CCDC186: variants seen among roughly 807,000 people sequenced by gnomAD.
CCDC186 encodes the protein coiled-coil domain containing 186.
CCDC186 carries 49 observed loss-of-function variants against 113.7 expected under a neutral mutation model. The observed-to-expected ratio is 0.43, with a 90% confidence interval of 0.34 to 0.55. The LOEUF is 0.55. Among genes scored for constraint, CCDC186 ranks in the 20% least tolerant of loss-of-function variants. The pLI, the probability that CCDC186 is intolerant of heterozygous loss-of-function variation, is 0.02. For missense variants in CCDC186, 890 were observed against 1,011.1 expected, an observed-to-expected ratio of 0.88 and a Z score of 1.62; for synonymous variants, 355 against 345.8, an observed-to-expected ratio of 1.03 and a Z score of -0.30.
intron 9 of CCDC186, 137 bp downstream of exon 9, chr10:114,135,754 C>T: frequency 3.0e-6 from 2 of 665,006 alleles, no homozygotes; most frequent in Non-Finnish European, 5.0e-6. Flanking sequence ...GGAAATTGCT[C>T]CTCTACTCTA....
intron 2 of CCDC186, among the ~76,000 whole-genome samples, chr10:114,159,372 T>C (rs1389651452): frequency 6.6e-6 from 1 of 152,156 alleles, no homozygotes; most frequent in Non-Finnish European, 1.5e-5. Context: ...AGACAACTGT[T>C]CTTAATTAAG....
chr10:114,125,692 T>C (rs960777099), intron 15 of CCDC186, among the ~76,000 whole-genome samples, 194 bp downstream of exon 15: 16 of 152,198 alleles, frequency 1.1e-4, no homozygotes, highest in Non-Finnish European at 2.4e-4. Context: ...ACAAAATTAA[T>C]TTTTGCTATT....
At chr10:114,142,395 G>A (rs547403215) in intron 6 of CCDC186, among the ~76,000 whole-genome samples, 1 of 152,306 alleles carries the variant, frequency 6.6e-6, no homozygotes, top group Admixed American at 6.5e-5. Flanking sequence ...GGCAGCCAAA[G>A]AACCACAGCC....
intron 1 of CCDC186, among the ~76,000 whole-genome samples, chr10:114,171,939 A>G (rs1349511865): frequency 6.6e-6 from 1 of 152,180 alleles, no homozygotes; most frequent in Non-Finnish European, 1.5e-5. Context: ...CATTTTTTAA[A>G]TCTCAGTAGC....
chr10:114,168,547 G>C (rs1209948906), intron 1 of CCDC186, among the ~76,000 whole-genome samples: 1 of 152,158 alleles, frequency 6.6e-6, no homozygotes, highest in African/African-American at 2.4e-5. Context: ...TGATGGACCA[G>C]CTGATGCCTG....
intron 1 of CCDC186, among the ~76,000 whole-genome samples, chr10:114,165,472 T>C (rs964000708): frequency 6.6e-6 from 1 of 152,302 alleles, no homozygotes; most frequent in Non-Finnish European, 1.5e-5. Context: ...GGAGGGCAGA[T>C]CACAAGGTCA....
intron 6 of CCDC186, among the ~76,000 whole-genome samples, chr10:114,138,047 AAAAAAAAAAAAAAAAAAAAAAAAAAAT>A (rs1319222165): frequency 3.9e-4 from 13 of 33,224 alleles, no homozygotes; most frequent in African/African-American, 2.2e-3. Context: ...CAAAAAAAAA[AAAAAAAAAAAAAAAAAAAAAAAAAAAT>A]AAAAAAAATA....
chr10:114,159,715 G>A (rs988880722), intron 2 of CCDC186, among the ~76,000 whole-genome samples: 2 of 151,992 alleles, frequency 1.3e-5, no homozygotes, highest in African/African-American at 4.8e-5. Context: ...GGCACTTTGG[G>A]AGGCCAGTGT....
At chr10:114,142,020 T>C (rs1325826962) in intron 6 of CCDC186, among the ~76,000 whole-genome samples, 1 of 152,176 alleles carries the variant, frequency 6.6e-6, no homozygotes, top group Admixed American at 6.5e-5. Flanking sequence ...AATACAGTTA[T>C]AGAACACTAC....
intron 6 of CCDC186, among the ~76,000 whole-genome samples, chr10:114,143,510 C>T (rs957303154): frequency 1.3e-5 from 2 of 152,160 alleles, no homozygotes; most frequent in Non-Finnish European, 2.9e-5. Context: ...TGTCATCCTC[C>T]TCCTTTCTGA....
intron 6 of CCDC186, among the ~76,000 whole-genome samples, chr10:114,142,586 A>G (rs1015164461): frequency 6.6e-6 from 1 of 152,222 alleles, no homozygotes; most frequent in East Asian, 1.9e-4. Flanking sequence ...TTTAAAACAC[A>G]TTTTCAGTTA....
At position 114,124,964 on chromosome 10, in the gene CCDC186, T is replaced by G. The variant is rs1381317950; in HGVS notation, c.*179A>C. ...AAACAAATTTCATCAAAGCTTTCAG[T>G]CTTACAGTATATACAGCAATGCATT... On this transcript the variant is annotated 3_prime_UTR_variant, in exon 16 of 16. Coordinates refer to ENST00000369287, the MANE Select transcript of CCDC186 (RefSeq NM_018017.4). 1 of 466,484 alleles carries G rather than the reference T, an allele frequency of 2.1e-6. No individual in the cohort carries two copies. Among genetic ancestry groups the G allele is most frequent in the Non-Finnish European group, 3.8e-6 (1 of 263,276 alleles). The allele number at this position is 466,484 out of a possible 1,614,324, so 28.9% of individuals were successfully genotyped here. A position where few individuals can be genotyped will look rare whatever the true frequency, so the allele number is the denominator to read the frequency against.
chr10:114,137,303 AAGACAG>A lies in CCDC186; in HGVS notation c.1222-19_1222-14del, dbSNP rs746958475. ...TATCTTTGGTTTCCTGCATTGACAA[AAGACAG>A]AGACACAGTTGGGTACAGCAACGTG... On this transcript the variant is annotated splice_polypyrimidine_tract_variant and intron_variant, in intron 6 of 15. Transcript: ENST00000369287. 1.8e-5 allele frequency: 28 copies of A among 1,599,730 alleles called. No homozygotes were observed. In the African/African-American group the frequency reaches 3.6e-4, roughly 21 times the overall value.
intron 3 of CCDC186, among the ~76,000 whole-genome samples, chr10:114,152,031 T>C (rs1266941520): frequency 6.6e-6 from 1 of 152,164 alleles, no homozygotes; most frequent in Non-Finnish European, 1.5e-5. Flanking sequence ...ATGGCCACAC[T>C]GCATAAGTAC....
chr10:114,158,218 G>C (rs1316473923), intron 2 of CCDC186, among the ~76,000 whole-genome samples: 1 of 152,182 alleles, frequency 6.6e-6, no homozygotes, highest in Non-Finnish European at 1.5e-5. Context: ...GAAAAGTCTT[G>C]CTTCAGATTT....
intron 4 of CCDC186, among the ~76,000 whole-genome samples, chr10:114,149,589 G>GAAGGT (rs2031758188): frequency 3.1e-5 from 1 of 32,398 alleles, no homozygotes; most frequent in East Asian, 8.0e-4. Context: ...GAAGGGAAGG[G>GAAGGT]AAGGGAAGGG....
intron 1 of CCDC186, 47 bp from the exon 2 acceptor site, chr10:114,163,376 C>G: frequency 6.9e-7 from 1 of 1,455,684 alleles, no homozygotes; most frequent in Non-Finnish European, 9.2e-7. Flanking sequence ...AAACCAAAAC[C>G]CCATACAAAC....
chr10:114,152,398 CAT>C (rs1222490940), intron 3 of CCDC186, among the ~76,000 whole-genome samples: 8 of 150,830 alleles, frequency 5.3e-5, no homozygotes, highest in Non-Finnish European at 1.2e-4. Flanking sequence ...TAAACAGAAA[CAT>C]ATTCTGATTG....
rs1337588554 is a variant in CCDC186, at chr10:114,127,589, T to C, written c.2265A>G (p.Gln755=). Residue 755 remains glutamine (Q), a synonymous_variant, in exon 14 of 16, where the codon CAA becomes CAG. Transcript: ENST00000369287. ...TCTCAATCAACATGGCCTTATCTAC[T>C]TGTGGAAAGTTATCCACAGCTACTG... ...GSSVAVDNFP[Q]VDKAMLIERI... The C allele has an allele frequency of 2.5e-6, 4 of 1,613,996 alleles. No individual in the cohort carries two copies. Among genetic ancestry groups the C allele is most frequent in the Non-Finnish European group, 3.4e-6 (4 of 1,180,008 alleles).
Sources: allele counts gnomAD v4.1 joint callset (sites outside exome capture counted in the v4.1 genomes callset), GRCh38; gene constraint gnomAD v4.1.1; transcripts MANE v1.5; gene names NCBI Gene and HGNC (gene_info 2026-07-23, HGNC 2026-07-21).